SLC35A1: variants seen among roughly 807,000 people sequenced by gnomAD.
SLC35A1 encodes the protein solute carrier family 35 member A1, also known as CMP-sialic acid transporter.
A neutral mutation model predicts 40.3 loss-of-function variants in SLC35A1; 21 were observed. That is an observed-to-expected ratio of 0.52 (90% CI 0.37 to 0.75). The LOEUF (loss-of-function observed/expected upper bound fraction) is 0.75. Ranked by LOEUF, SLC35A1 falls within the 30% of genes least tolerant of loss-of-function variation. The pLI is 0.00. For missense variants in SLC35A1, 297 were observed against 382.1 expected (o/e 0.78, Z 1.86); for synonymous variants, 146 against 147.3 (o/e 0.99, Z 0.06).
intron 5 of SLC35A1, 44 bp downstream of exon 5, chr6:87,506,492 G>A (rs375465368): frequency 2.0e-4 from 298 of 1,518,610 alleles, no homozygotes; most frequent in Non-Finnish European, 2.5e-4. Context: ...CATATTTTTC[G>A]AAAACATCAA....
At chr6:87,474,686 A>C (rs898459965) in intron 1 of SLC35A1, among the ~76,000 whole-genome samples, 2 of 152,260 alleles carry the variant, frequency 1.3e-5, no homozygotes, top group African/African-American at 4.8e-5. Context: ...TTAAACTGCC[A>C]GAGAAAATCG....
chr6:87,507,498 C>T (rs747042179), intron 5 of SLC35A1, among the ~76,000 whole-genome samples: 4 of 151,980 alleles, frequency 2.6e-5, no homozygotes, highest in African/African-American at 4.8e-5. Context: ...TCTGTGTTTA[C>T]GGTAACTGAG....
chr6:87,484,265 A>C (rs1213281414), intron 2 of SLC35A1, among the ~76,000 whole-genome samples: 1 of 152,158 alleles, frequency 6.6e-6, no homozygotes, highest in Non-Finnish European at 1.5e-5. Flanking sequence ...ACAAGAGAGA[A>C]CCAGAGACCG....
intron 2 of SLC35A1, among the ~76,000 whole-genome samples, chr6:87,493,854 C>T (rs938186423): frequency 2.6e-5 from 2 of 75,666 alleles, no homozygotes; most frequent in African/African-American, 8.1e-5. Context: ...CTTGAGATTC[C>T]CCCATCCTTG....
intron 1 of SLC35A1, 106 bp downstream of exon 1, chr6:87,473,125 G>T: frequency 2.4e-6 from 1 of 410,908 alleles, no homozygotes. Flanking sequence ...TGGTTGCCCA[G>T]TGCCTCTGGG....
chr6:87,476,111 G>T (rs1438130750), intron 1 of SLC35A1, among the ~76,000 whole-genome samples: 1 of 152,160 alleles, frequency 6.6e-6, no homozygotes, highest in Non-Finnish European at 1.5e-5. Context: ...TCTTGGACAG[G>T]CTCTGGTGCC....
intron 1 of SLC35A1, among the ~76,000 whole-genome samples, chr6:87,473,784 T>A (rs1443949232): frequency 6.6e-6 from 1 of 152,228 alleles, no homozygotes; most frequent in East Asian, 1.9e-4. Context: ...AGAGGTGGAT[T>A]CTTTGACTGT....
At position 87,485,754 on chromosome 6, in the gene SLC35A1, G is replaced by A. The variant is rs533601346; in HGVS notation, c.194+8215G>A. 1.6e-4 allele frequency among the ~76,000 whole-genome samples: 25 copies of A among 151,634 alleles called. No individual in the cohort carries two copies. The East Asian group carries it at 3.9e-3, about 24-fold the overall frequency. ...AGCCTGGGCAACAGAGCAAAACTCT[G>A]TCTCAGAAAAAGAAAAAAAAAAATT... is the stretch of plus-strand genomic sequence containing the variant. On this transcript the variant is annotated intron_variant, in intron 2 of 7. Transcript: ENST00000369552.
At position 87,510,456 on chromosome 6, in the gene SLC35A1, T is replaced by G. The variant is rs141858650; in HGVS notation, c.887-943T>G. ...ACAAGTTTTTATCCTACCTTCTCCTTTTTTGAAGGCAAAGCTGGTCTTTTT... is the reference window on the plus strand; with the variant it reads ...ACAAGTTTTTATCCTACCTTCTCCTGTTTTGAAGGCAAAGCTGGTCTTTTT... On this transcript the variant is annotated intron_variant, in intron 7 of 7. Transcript: ENST00000369552. Among the ~76,000 whole-genome samples, 950 of 152,302 alleles carry G rather than the reference T, an allele frequency of 6.2e-3. 7 individuals carry two copies. The highest frequency in any genetic ancestry group is 0.01 in the Admixed American group (154 of 15,300).
intron 2 of SLC35A1, among the ~76,000 whole-genome samples, chr6:87,489,047 T>G (rs116485401): frequency 6.6e-6 from 1 of 152,362 alleles, no homozygotes; most frequent in East Asian, 1.9e-4. Flanking sequence ...CCATGAGGCA[T>G]GGATATCCTA....
intron 1 of SLC35A1, 51 bp from the exon 2 acceptor site, chr6:87,477,311 A>G (rs1260602678): frequency 7.2e-7 from 1 of 1,396,288 alleles, no homozygotes. Flanking sequence ...ATTAACTTAT[A>G]TATACATATA....
At chr6:87,479,897 G>A (rs1229445387) in intron 2 of SLC35A1, among the ~76,000 whole-genome samples, 2 of 152,216 alleles carry the variant, frequency 1.3e-5, no homozygotes, top group Non-Finnish European at 2.9e-5. Flanking sequence ...AAATAGACAT[G>A]AGAGTTGAAT....
At chr6:87,503,727 A>G (rs1047489014) in intron 4 of SLC35A1, among the ~76,000 whole-genome samples, 1 of 152,110 alleles carries the variant, frequency 6.6e-6, no homozygotes, top group African/African-American at 2.4e-5. Flanking sequence ...TAATAATAAT[A>G]ACAATAATAT....
intron 2 of SLC35A1, among the ~76,000 whole-genome samples, chr6:87,484,022 C>T (rs1769323639): frequency 6.6e-6 from 1 of 152,240 alleles, no homozygotes; most frequent in Non-Finnish European, 1.5e-5. Flanking sequence ...CGCACACACA[C>T]ATTCAGCCCT....
chr6:87,493,706 AGTAT>A (rs1343475412), intron 2 of SLC35A1, among the ~76,000 whole-genome samples: 1 of 152,210 alleles, frequency 6.6e-6, no homozygotes, highest in Non-Finnish European at 1.5e-5. Context: ...TACTAACTGA[AGTAT>A]GTATTTGTAT....
At chr6:87,479,096 C>T (rs1400074916) in intron 2 of SLC35A1, among the ~76,000 whole-genome samples, 4 of 152,060 alleles carry the variant, frequency 2.6e-5, no homozygotes, top group Non-Finnish European at 4.4e-5. Flanking sequence ...GGTTGCTTTA[C>T]GAGGAAGTTA....
chr6:87,490,824 G>A (rs1769530070), intron 2 of SLC35A1, among the ~76,000 whole-genome samples: 1 of 152,176 alleles, frequency 6.6e-6, no homozygotes, highest in African/African-American at 2.4e-5. Context: ...AACCTCATGA[G>A]TAGATGTCTT....
At chr6:87,506,000 T>C (rs528610992) in intron 4 of SLC35A1, among the ~76,000 whole-genome samples, 24 of 152,192 alleles carry the variant, frequency 1.6e-4, no homozygotes, top group Non-Finnish European at 3.4e-4. Context: ...ATAAGTTAAA[T>C]TGTTATCATT....
chr6:87,495,606 C>T (rs752463263), intron 2 of SLC35A1, among the ~76,000 whole-genome samples: 1 of 151,678 alleles, frequency 6.6e-6, no homozygotes, highest in Non-Finnish European at 1.5e-5. Context: ...GTATTTTTGT[C>T]CTCAAATTGA....
Sources: allele counts gnomAD v4.1 joint callset (sites outside exome capture counted in the v4.1 genomes callset), GRCh38; gene constraint gnomAD v4.1.1; transcripts MANE v1.5; gene names NCBI Gene and HGNC (gene_info 2026-07-23, HGNC 2026-07-21).